DNAH7: variants seen among roughly 807,000 people sequenced by gnomAD.
DNAH7 encodes dynein axonemal heavy chain 7, also known as axonemal beta dynein heavy chain 7.
DNAH7 carries 397 observed loss-of-function variants against 444.6 expected under a neutral mutation model. The ratio of observed to expected loss-of-function variants is 0.89; its 90% CI spans 0.82 to 0.97. The LOEUF (loss-of-function observed/expected upper bound fraction) is 0.97, where lower values mean the gene tolerates loss of function less well. Ranked by LOEUF, DNAH7 falls within the 50% of genes least tolerant of loss-of-function variation. The pLI is 0.00. For synonymous variants in DNAH7, 1,636 were observed against 1,624.4 expected (o/e 1.01, Z -0.17); for missense variants, 4,902 against 4,800.8 (o/e 1.02, Z -0.62).
chr2:196,040,554 G>C (rs1366082775), intron 5 of DNAH7, among the ~76,000 whole-genome samples: 2 of 151,950 alleles, frequency 1.3e-5, no homozygotes, highest in Non-Finnish European at 2.9e-5. Context: ...CACAACCTTG[G>C]TACAGAAGGA....
intron 63 of DNAH7, among the ~76,000 whole-genome samples, chr2:195,743,650 G>A (rs934344196): frequency 6.6e-6 from 1 of 152,184 alleles, no homozygotes; most frequent in Non-Finnish European, 1.5e-5. Flanking sequence ...AGGGTCCTAT[G>A]AGAAAGTGAT....
intron 55 of DNAH7, among the ~76,000 whole-genome samples, chr2:195,798,457 T>C (rs1227471388): frequency 6.6e-6 from 1 of 152,200 alleles, no homozygotes; most frequent in Non-Finnish European, 1.5e-5. Context: ...TATTTTCTTG[T>C]TCTAGACCAT....
intron 24 of DNAH7, among the ~76,000 whole-genome samples, chr2:195,911,305 T>A (rs1687344712): frequency 6.6e-6 from 1 of 152,008 alleles, no homozygotes; most frequent in Non-Finnish European, 1.5e-5. Context: ...ACTCTAGCAA[T>A]AAAAATATAA....
intron 49 of DNAH7, among the ~76,000 whole-genome samples, chr2:195,819,728 A>G (rs549389186): frequency 1.1e-4 from 17 of 152,162 alleles, no homozygotes; most frequent in Admixed American, 5.9e-4. Context: ...ACTTCCCCCA[A>G]GCAAAGGACA....
At chr2:195,742,842 A>G (rs1231577840) in intron 63 of DNAH7, among the ~76,000 whole-genome samples, 1 of 152,220 alleles carries the variant, frequency 6.6e-6, no homozygotes, top group Non-Finnish European at 1.5e-5. Context: ...AATTGCATCT[A>G]CAATATAGGA....
At chr2:196,042,992 A>G (rs1178717424) in intron 5 of DNAH7, among the ~76,000 whole-genome samples, 1 of 152,116 alleles carries the variant, frequency 6.6e-6, no homozygotes. Context: ...AGTTATATGA[A>G]ATTTTAGAAA....
intron 33 of DNAH7, among the ~76,000 whole-genome samples, chr2:195,886,604 T>C (rs1291887764): frequency 6.6e-6 from 1 of 152,206 alleles, no homozygotes; most frequent in Non-Finnish European, 1.5e-5. Context: ...TTAATTTCTA[T>C]ATCTAAAATG....
At chr2:195,939,021 G>C (rs1689245523) in intron 19 of DNAH7, among the ~76,000 whole-genome samples, 1 of 152,048 alleles carries the variant, frequency 6.6e-6, no homozygotes, top group South Asian at 2.1e-4. Context: ...TAGATCATCT[G>C]CTTAATCTGA....
At chr2:195,943,892 TTAAG>T (rs1689629572) in intron 19 of DNAH7, among the ~76,000 whole-genome samples, 1 of 152,308 alleles carries the variant, frequency 6.6e-6, no homozygotes, top group African/African-American at 2.4e-5. Flanking sequence ...AACCATATAA[TTAAG>T]TTCCTCCTTT....
intron 36 of DNAH7, among the ~76,000 whole-genome samples, chr2:195,880,300 C>T (rs1574649992): frequency 6.6e-6 from 1 of 151,238 alleles, no homozygotes; most frequent in East Asian, 1.9e-4. Flanking sequence ...GCTATAAAAA[C>T]GTTCATTGCA....
In DNAH7 at chr2:195,957,263, G is replaced by T. The variant is rs1690732600; in HGVS notation, c.3076C>A (p.Gln1026Lys). The T allele has an allele frequency of 1.3e-6, 2 of 1,517,432 alleles. No individual in the cohort carries two copies. Among genetic ancestry groups the T allele is most frequent in the Admixed American group, 2.0e-5 (1 of 51,076 alleles). 94.0% of individuals were successfully genotyped at this position (1,517,432 alleles called of 1,614,324 possible). Reference sequence around the variant, plus strand: ...TTTTTGGAGATTTTTTCACCTACCTGCATGACACTTCTCATTATATCTCTC... The same window carrying T: ...TTTTTGGAGATTTTTTCACCTACCTTCATGACACTTCTCATTATATCTCTC... ...TWRDIMRSVM[Q>K]DKHVLTVVTI... Residue 1026 changes from glutamine to lysine, a missense_variant and splice_region_variant, in exon 19 of 65, where the codon CAG (glutamine) becomes AAG (lysine). By Grantham distance (53) the Gln-to-Lys change is moderately conservative. Coordinates refer to ENST00000312428, the MANE Select transcript of DNAH7 (RefSeq NM_018897.3).
chr2:195,816,986 T>C (rs1415807254), intron 50 of DNAH7, 23 bp from the exon 51 acceptor site: 30 of 1,523,132 alleles, frequency 2.0e-5, no homozygotes, highest in Non-Finnish European at 2.6e-5. Flanking sequence ...AAAATTTTCT[T>C]AGAAGAAAAA....
At chr2:195,881,721 A>G in intron 36 of DNAH7, 74 bp downstream of exon 36, 1 of 1,438,908 alleles carries the variant, frequency 6.9e-7, no homozygotes, top group Non-Finnish European at 9.5e-7. Context: ...TTAAAAAATT[A>G]TTTGTCTGCT....
rs369912437 is a variant in DNAH7, at chr2:195,954,693, T to C, written c.3078+2568A>G. ...TCCACATCCTCTCCAGCACCTGTTG[T>C]TTCCTGACTTTTTAATGATTGCCAT... On this transcript the variant is annotated intron_variant, in intron 19 of 64. Transcript: ENST00000312428. 4.1e-4 allele frequency among the ~76,000 whole-genome samples: 63 copies of C among 152,302 alleles called. 1 individual carries two copies. The East Asian group carries it at 9.8e-3, about 24-fold the overall frequency.
At chr2:195,878,610 TA>T (rs1424484831) in intron 36 of DNAH7, among the ~76,000 whole-genome samples, 1 of 151,940 alleles carries the variant, frequency 6.6e-6, no homozygotes, top group Non-Finnish European at 1.5e-5. Context: ...TCAAAAATAA[TA>T]AAATAATGAA....
At chr2:195,851,126 G>A (rs1473243457) in intron 46 of DNAH7, among the ~76,000 whole-genome samples, 2 of 152,202 alleles carry the variant, frequency 1.3e-5, no homozygotes, top group African/African-American at 4.8e-5. Flanking sequence ...AAGGGCTCTG[G>A]TCAGAGCCCT....
chr2:195,850,156 G>A (rs1232450979), intron 46 of DNAH7, among the ~76,000 whole-genome samples: 3 of 152,050 alleles, frequency 2.0e-5, no homozygotes, highest in Non-Finnish European at 2.9e-5. Flanking sequence ...TGTCTATAAG[G>A]GTGTAATATC....
At chr2:195,896,524 T>TG (rs1392410794) in intron 29 of DNAH7, among the ~76,000 whole-genome samples, 1 of 152,216 alleles carries the variant, frequency 6.6e-6, no homozygotes, top group African/African-American at 2.4e-5. Flanking sequence ...GTTAAAAAGT[T>TG]GGAGTCCTGA....
chr2:196,051,875 C>A (rs1242465215), intron 2 of DNAH7, among the ~76,000 whole-genome samples: 2 of 152,176 alleles, frequency 1.3e-5, no homozygotes, highest in Admixed American at 1.3e-4. Flanking sequence ...AATAAACTTT[C>A]TTTCAGAACA....
Sources: gnomAD v4.1 joint callset for allele counts (sites outside exome capture counted in the v4.1 genomes callset) on GRCh38, gnomAD v4.1.1 for gene constraint, MANE v1.5 for transcripts, NCBI Gene and HGNC (gene_info 2026-07-23, HGNC 2026-07-21) for gene names.